Variants in GPC5 observed in about 807,000 individuals in gnomAD.
GPC5 encodes the protein glypican-5.
In GPC5, 47 loss-of-function variants were observed where a neutral mutation model predicts 53.9. The ratio of observed to expected loss-of-function variants is 0.87; its 90% CI spans 0.69 to 1.11. The LOEUF (loss-of-function observed/expected upper bound fraction) is 1.11. GPC5 is among the 50% of genes most tolerant of loss of function. The pLI, the probability that GPC5 is intolerant of heterozygous loss-of-function variation, is 0.00. For synonymous variants in GPC5, 286 were observed against 263.3 expected, an observed-to-expected ratio of 1.09 and a Z score of -0.84; for missense variants, 748 against 713.1, an observed-to-expected ratio of 1.05 and a Z score of -0.56.
chr13:92,165,111 C>G (rs9560956), intron 7 of GPC5, among the ~76,000 whole-genome samples: 5,841 of 152,236 alleles, frequency 0.038, 252 homozygotes, highest in African/African-American at 0.098. Flanking sequence ...TTCTGACATG[C>G]CCTGGAGACA....
intron 7 of GPC5, among the ~76,000 whole-genome samples, chr13:92,198,364 T>C (rs1346882957): frequency 5.3e-5 from 8 of 152,286 alleles, no homozygotes; most frequent in East Asian, 1.9e-4. Context: ...TGTTGATAGG[T>C]TGGTTGATAC....
intron 5 of GPC5, among the ~76,000 whole-genome samples, chr13:91,859,227 G>A (rs1246518778): frequency 6.6e-6 from 1 of 151,234 alleles, no homozygotes; most frequent in African/African-American, 2.4e-5. Flanking sequence ...GTTCTTTAAG[G>A]TGTATCATCA....
At chr13:92,199,557 T>A (rs942926372) in intron 7 of GPC5, among the ~76,000 whole-genome samples, 1 of 152,242 alleles carries the variant, frequency 6.6e-6, no homozygotes, top group Admixed American at 6.5e-5. Context: ...CTTGAAATAC[T>A]GTCTACTTTC....
intron 7 of GPC5, among the ~76,000 whole-genome samples, chr13:92,326,627 T>C (rs1323256972): frequency 1.3e-5 from 2 of 152,166 alleles, no homozygotes; most frequent in Non-Finnish European, 2.9e-5. Flanking sequence ...AGGATAACAT[T>C]TCCTTTTCCA....
chr13:92,293,061 G>A (rs1011667117), intron 7 of GPC5, among the ~76,000 whole-genome samples: 8 of 152,078 alleles, frequency 5.3e-5, no homozygotes, highest in African/African-American at 1.9e-4. Context: ...CTGTTTTGGT[G>A]ACTATGGCTT....
chr13:92,084,302 G>GT (rs1478384835), intron 6 of GPC5, among the ~76,000 whole-genome samples: 3 of 152,080 alleles, frequency 2.0e-5, no homozygotes, highest in Non-Finnish European at 4.4e-5. Flanking sequence ...TAACATATCA[G>GT]TTTTTTTAAA....
intron 7 of GPC5, among the ~76,000 whole-genome samples, chr13:92,236,524 C>G (rs9301787): frequency 0.56 from 85,728 of 151,754 alleles, 24,480 homozygotes; most frequent in South Asian, 0.65. Context: ...AACTGAACTT[C>G]CCTCACTTTT....
intron 7 of GPC5, among the ~76,000 whole-genome samples, chr13:92,724,343 C>T (rs1315719993): frequency 6.6e-6 from 1 of 151,424 alleles, no homozygotes; most frequent in Non-Finnish European, 1.5e-5. Flanking sequence ...TAAAAACAAA[C>T]AAAACACTTA....
intron 6 of GPC5, among the ~76,000 whole-genome samples, chr13:91,933,578 T>G (rs1472285017): frequency 6.6e-6 from 1 of 151,978 alleles, no homozygotes; most frequent in Non-Finnish European, 1.5e-5. Flanking sequence ...TTATATATGC[T>G]AAAAGGTACC....
chr13:91,699,146 C>T (rs2035943633), intron 3 of GPC5, among the ~76,000 whole-genome samples: 1 of 152,132 alleles, frequency 6.6e-6, no homozygotes, highest in African/African-American at 2.4e-5. Flanking sequence ...TTGAGCATGA[C>T]TCAGATCAGA....
intron 7 of GPC5, among the ~76,000 whole-genome samples, chr13:92,835,192 ATT>A (rs1293872735): frequency 2.0e-5 from 3 of 151,994 alleles, no homozygotes; most frequent in Non-Finnish European, 4.4e-5. Context: ...TTATTTTAAT[ATT>A]GTTTTCCTAA....
At chr13:92,817,979 G>A (rs1877534802) in intron 7 of GPC5, among the ~76,000 whole-genome samples, 1 of 151,360 alleles carries the variant, frequency 6.6e-6, no homozygotes, top group Admixed American at 6.6e-5. Flanking sequence ...CTGGGTAATG[G>A]GTAATGGATG....
chr13:91,447,098 A>T (rs539818357), intron 1 of GPC5, among the ~76,000 whole-genome samples: 1 of 152,370 alleles, frequency 6.6e-6, no homozygotes, highest in Non-Finnish European at 1.5e-5. Flanking sequence ...TTCACAGGCC[A>T]TGTTTAGGAA....
intron 7 of GPC5, among the ~76,000 whole-genome samples, chr13:92,765,659 C>T (rs1875376458): frequency 6.6e-6 from 1 of 152,146 alleles, no homozygotes; most frequent in Non-Finnish European, 1.5e-5. Context: ...TGCAAATTCT[C>T]AGGCCCTGCA....
chr13:91,972,641 A>T (rs1414100699), intron 6 of GPC5, among the ~76,000 whole-genome samples: 1 of 151,866 alleles, frequency 6.6e-6, no homozygotes, highest in Non-Finnish European at 1.5e-5. Context: ...TTCCTTCAGG[A>T]GCTCTTTTAG....
intron 6 of GPC5, among the ~76,000 whole-genome samples, chr13:92,139,941 T>C (rs1457571062): frequency 1.3e-5 from 2 of 152,136 alleles, no homozygotes; most frequent in Non-Finnish European, 2.9e-5. Context: ...ACTCTAGTCA[T>C]GATGGAAGGT....
At chr13:92,803,556 T>A (rs1876985613) in intron 7 of GPC5, among the ~76,000 whole-genome samples, 1 of 151,922 alleles carries the variant, frequency 6.6e-6, no homozygotes, top group East Asian at 1.9e-4. Context: ...TGCTCTAGTC[T>A]CCTCGAAATA....
intron 7 of GPC5, among the ~76,000 whole-genome samples, chr13:92,524,576 T>C (rs1194995186): frequency 6.6e-6 from 1 of 152,132 alleles, no homozygotes; most frequent in Non-Finnish European, 1.5e-5. Flanking sequence ...AGGAAGTTTG[T>C]CACTTATTTT....
chr13:92,531,332 C>T (rs1881556829), intron 7 of GPC5, among the ~76,000 whole-genome samples: 1 of 151,732 alleles, frequency 6.6e-6, no homozygotes, highest in African/African-American at 2.4e-5. Context: ...GAATAGATCA[C>T]TAGTTTTAGG....
Sources: allele counts gnomAD v4.1 joint callset (sites outside exome capture counted in the v4.1 genomes callset), GRCh38; gene constraint gnomAD v4.1.1; transcripts MANE v1.5; gene names NCBI Gene and HGNC (gene_info 2026-07-23, HGNC 2026-07-21).